Variants in CTNNA2 observed in about 807,000 individuals in gnomAD.
CTNNA2 encodes the protein catenin alpha 2.
In CTNNA2, 42 loss-of-function variants were observed where a neutral mutation model predicts 101.0. The ratio of observed to expected loss-of-function variants is 0.42; its 90% CI spans 0.32 to 0.54. CTNNA2 has a LOEUF of 0.54. CTNNA2 is among the 20% of genes least tolerant of loss of function. The pLI is 0.14. For synonymous variants in CTNNA2, 450 were observed against 456.4 expected (o/e 0.99, Z 0.18); for missense variants, 871 against 1,223.1 (o/e 0.71, Z 4.29).
At chr2:79,783,643 C>T (rs1174645588) in intron 3 of CTNNA2, among the ~76,000 whole-genome samples, 3 of 152,238 alleles carry the variant, frequency 2.0e-5, no homozygotes, top group Middle Eastern at 3.4e-3. Flanking sequence ...ATTCTTTTCC[C>T]TACCATGTTC....
chr2:79,436,635 T>TTC (rs2104514679), intron 4 of CTNNA2, among the ~76,000 whole-genome samples: 1 of 131,520 alleles, frequency 7.6e-6, no homozygotes, highest in East Asian at 2.4e-4. Context: ...TGATTAAATA[T>TTC]TCTTTTTTTT....
In CTNNA2 at chr2:79,647,766, A is replaced by T. The variant is rs73938755; in HGVS notation, c.-5-3786A>T. Among the ~76,000 whole-genome samples the T allele has an allele frequency of 8.5e-3, 1,302 of 152,322 alleles. 15 individuals are homozygous for T. The highest frequency in any genetic ancestry group is 0.03 in the African/African-American group (1,240 of 41,552). ...TGGCAAAATCTCAGTGGCATGCAAC[A>T]TACAACAGCAGGCATTTACTTCTTG... On this transcript the variant is annotated intron_variant, in intron 1 of 18. Transcript: ENST00000402739.
chr2:80,206,759 C>T (rs1349905213), intron 7 of CTNNA2, among the ~76,000 whole-genome samples: 2 of 152,078 alleles, frequency 1.3e-5, no homozygotes, highest in Non-Finnish European at 2.9e-5. Flanking sequence ...TGGTTTTGGC[C>T]TGAAAACATT....
intron 7 of CTNNA2, among the ~76,000 whole-genome samples, chr2:79,910,625 G>T (rs1352622883): frequency 6.6e-6 from 1 of 152,158 alleles, no homozygotes; most frequent in Admixed American, 6.5e-5. Context: ...GAAAAATGTA[G>T]ATAAAGTGAG....
rs527391126 is a variant in CTNNA2 at position 80,088,202 on chromosome 2, A to G, written c.1056+178405A>G. On this transcript the variant is annotated intron_variant, in intron 7 of 18. Coordinates refer to ENST00000402739, the MANE Select transcript of CTNNA2 (RefSeq NM_001282597.3). Reference sequence around the variant, plus strand: ...AAAATTCCTGGTTAAGCTAGAGTTGATAAGTATAACCAATAATAATAATAC... The same window carrying G: ...AAAATTCCTGGTTAAGCTAGAGTTGGTAAGTATAACCAATAATAATAATAC... 8.5e-5 allele frequency among the ~76,000 whole-genome samples: 13 copies of G among 152,138 alleles called. No homozygotes were observed. In the South Asian group the frequency reaches 2.3e-3, roughly 27 times the overall value.
At position 79,496,958 on chromosome 2, in the gene CTNNA2, T is replaced by C. The variant is rs142482843; in HGVS notation, c.-134-8096T>C. On this transcript the variant is annotated intron_variant, in intron 4 of 21. Transcript: ENST00000466387. ...CTAAAAAATTCCCCTAGGCCATATA[T>C]AGAAAACTGATGGCTTTGGGACCTA... Among the ~76,000 whole-genome samples, 159 of 152,316 alleles carry C rather than the reference T, an allele frequency of 1.0e-3. 3 individuals carry two copies. In the East Asian group the frequency reaches 0.03, roughly 29 times the overall value.
intron 4 of CTNNA2, among the ~76,000 whole-genome samples, chr2:79,862,523 A>C (rs1350177991): frequency 6.6e-6 from 1 of 152,222 alleles, no homozygotes; most frequent in Non-Finnish European, 1.5e-5. Context: ...CTCTCATTAT[A>C]ACTGCAGAAA....
intron 7 of CTNNA2, among the ~76,000 whole-genome samples, chr2:79,971,304 C>A (rs6718084): frequency 1.4e-4 from 21 of 152,184 alleles, no homozygotes; most frequent in African/African-American, 4.8e-4. Flanking sequence ...CCTCAAGACA[C>A]GCATATAACA....
chr2:79,958,697 C>T (rs976122072), intron 7 of CTNNA2, among the ~76,000 whole-genome samples: 6 of 152,048 alleles, frequency 3.9e-5, no homozygotes, highest in African/African-American at 1.2e-4. Context: ...ACATTTGAGT[C>T]GTATTAAGCA....
chr2:80,284,482 G>A (rs1457247210), intron 7 of CTNNA2, among the ~76,000 whole-genome samples: 3 of 152,104 alleles, frequency 2.0e-5, no homozygotes, highest in African/African-American at 7.2e-5. Context: ...ATACACAGTG[G>A]TTCAAACCAG....
chr2:80,359,987 T>G (rs1487542340), intron 7 of CTNNA2, among the ~76,000 whole-genome samples: 1 of 152,162 alleles, frequency 6.6e-6, no homozygotes, highest in Non-Finnish European at 1.5e-5. Flanking sequence ...ATAACTAACA[T>G]CTTAATGAAA....
At position 80,142,850 on chromosome 2, in the gene CTNNA2, G is replaced by A. The variant is rs1703096163; in HGVS notation, c.1056+233053G>A. Among the ~76,000 whole-genome samples, 3 of 151,792 alleles carry A rather than the reference G, an allele frequency of 2.0e-5. No individual in the cohort carries two copies. The South Asian group carries it at 6.2e-4, about 31-fold the overall frequency. ...TGTATTCTCTCCCTTGGACAACCTTGTATGGAGTAACAAAGGGCCATTGGA... is the reference window on the plus strand; with the variant it reads ...TGTATTCTCTCCCTTGGACAACCTTATATGGAGTAACAAAGGGCCATTGGA... On this transcript the variant is annotated intron_variant, in intron 7 of 18. Transcript: ENST00000402739.
At chr2:79,384,822 A>AT (rs199987914) in intron 4 of CTNNA2, among the ~76,000 whole-genome samples, 10,230 of 152,098 alleles carry the variant, frequency 0.067, 1,116 homozygotes, top group African/African-American at 0.24. Context: ...CTCACTACTT[A>AT]GTAAAGAATA....
At chr2:79,573,712 CTATA>C (rs369446951) in intron 1 of CTNNA2, 36 of 152,270 alleles carry the variant, frequency 2.4e-4, no homozygotes, top group African/African-American at 8.2e-4. Flanking sequence ...TTGTGTATAA[CTATA>C]TAAGCTGCTT....
intron 9 of CTNNA2, among the ~76,000 whole-genome samples, chr2:80,542,721 G>A (rs940593292): frequency 6.6e-6 from 1 of 151,962 alleles, no homozygotes; most frequent in Admixed American, 6.6e-5. Flanking sequence ...AAGCAGGGAT[G>A]GTACGGGGCA....
At chr2:79,622,872 A>G (rs978884593) in intron 1 of CTNNA2, among the ~76,000 whole-genome samples, 4 of 152,152 alleles carry the variant, frequency 2.6e-5, no homozygotes, top group Admixed American at 6.5e-5. Context: ...TGTATATATA[A>G]AACTGAAATA....
chr2:79,971,072 G>A (rs983393942), intron 7 of CTNNA2, among the ~76,000 whole-genome samples: 1 of 152,112 alleles, frequency 6.6e-6, no homozygotes, highest in East Asian at 1.9e-4. Flanking sequence ...TTTGAAAGAC[G>A]TATAATGCTG....
intron 7 of CTNNA2, among the ~76,000 whole-genome samples, chr2:80,204,471 A>G (rs1431265240): frequency 6.6e-6 from 1 of 152,194 alleles, no homozygotes; most frequent in Non-Finnish European, 1.5e-5. Flanking sequence ...CAGAGGCAAA[A>G]TGCCACCAGT....
chr2:80,278,259 T>G (rs1228657906), intron 7 of CTNNA2, among the ~76,000 whole-genome samples: 3 of 152,202 alleles, frequency 2.0e-5, no homozygotes, highest in African/African-American at 7.2e-5. Context: ...CCGTGTCTGT[T>G]AGATTTAGCT....
Sources: gnomAD v4.1 joint callset for allele counts (sites outside exome capture counted in the v4.1 genomes callset) on GRCh38, gnomAD v4.1.1 for gene constraint, MANE v1.5 for transcripts, NCBI Gene and HGNC (gene_info 2026-07-23, HGNC 2026-07-21) for gene names.